DCC: variants seen among roughly 807,000 people sequenced by gnomAD.
The protein encoded by DCC is netrin receptor DCC.
Under a neutral mutation model 172.5 loss-of-function variants are expected in DCC, and 58 were observed. The observed-to-expected ratio is 0.34, with a 90% CI of 0.27 to 0.42. The LOEUF is 0.42. DCC is among the 10% of genes least tolerant of loss of function. The probability of loss-of-function intolerance (pLI) is 1.00; values close to 1 mark genes in which losing one functional copy is unlikely to be tolerated. For synonymous variants in DCC, 709 were observed against 644.5 expected, an observed-to-expected ratio of 1.10 and a Z score of -1.52; for missense variants, 1,740 against 1,791.0, an observed-to-expected ratio of 0.97 and a Z score of 0.51.
At chr18:53,002,830 C>T (rs748117744) in intron 5 of DCC, among the ~76,000 whole-genome samples, 7 of 151,992 alleles carry the variant, frequency 4.6e-5, no homozygotes, top group Non-Finnish European at 1.0e-4. Context: ...GGATTTGCAC[C>T]TGATATATTC....
intron 7 of DCC, among the ~76,000 whole-genome samples, chr18:53,089,026 A>G (rs1392812110): frequency 6.6e-6 from 1 of 152,182 alleles, no homozygotes; most frequent in African/African-American, 2.4e-5. Context: ...TGGTAATGTG[A>G]CTAGCTTAGT....
intron 12 of DCC, among the ~76,000 whole-genome samples, chr18:53,257,875 G>A (rs750805990): frequency 2.6e-5 from 4 of 152,100 alleles, no homozygotes; most frequent in African/African-American, 7.2e-5. Flanking sequence ...ATTAATTGTT[G>A]CCTCAATTTC....
intron 5 of DCC, among the ~76,000 whole-genome samples, chr18:53,032,561 AT>A (rs1568257641): frequency 6.6e-6 from 1 of 152,180 alleles, no homozygotes; most frequent in Non-Finnish European, 1.5e-5. Flanking sequence ...GGTCCTATGC[AT>A]TGTATCTGTG....
At chr18:53,304,957 G>T (rs560654135) in intron 12 of DCC, among the ~76,000 whole-genome samples, 1 of 152,072 alleles carries the variant, frequency 6.6e-6, no homozygotes, top group Non-Finnish European at 1.5e-5. Context: ...TGAATCATGG[G>T]GGCAGGTCTT....
chr18:52,855,953 C>T (rs1192785142), intron 2 of DCC, among the ~76,000 whole-genome samples: 2 of 151,746 alleles, frequency 1.3e-5, no homozygotes, highest in Non-Finnish European at 2.9e-5. Context: ...TTAGTAGAGA[C>T]GGGGTTTTGC....
At chr18:53,288,903 C>T (rs1268555975) in intron 12 of DCC, among the ~76,000 whole-genome samples, 4 of 152,048 alleles carry the variant, frequency 2.6e-5, no homozygotes, top group Non-Finnish European at 5.9e-5. Context: ...TTGAATGAGT[C>T]TGTGATTTTT....
intron 1 of DCC, among the ~76,000 whole-genome samples, chr18:52,474,244 A>AGAGAGAGAGAGAGAGAG (rs1568186675): frequency 6.2e-5 from 2 of 32,144 alleles, no homozygotes; most frequent in African/African-American, 1.7e-4. Context: ...GAGAGAGAGA[A>AGAGAGAGAGAGAGAGAG]AGAGAGAGAA....
At chr18:52,963,302 T>C (rs879673128) in intron 5 of DCC, among the ~76,000 whole-genome samples, 1 of 151,448 alleles carries the variant, frequency 6.6e-6, no homozygotes, top group Admixed American at 6.6e-5. Context: ...ACATGATTTA[T>C]GTGGAAAAAA....
intron 1 of DCC, among the ~76,000 whole-genome samples, chr18:52,732,313 G>T (rs1243508212): frequency 6.6e-6 from 1 of 152,172 alleles, no homozygotes; most frequent in Non-Finnish European, 1.5e-5. Context: ...AAAGTCACTG[G>T]ATAACCAGGG....
intron 2 of DCC, among the ~76,000 whole-genome samples, chr18:52,782,090 A>C (rs753583037): frequency 1.2e-4 from 18 of 152,072 alleles, no homozygotes; most frequent in Non-Finnish European, 2.4e-4. Flanking sequence ...AGAACTAAGA[A>C]AGGAAACAAC....
Position 53,432,100 on chromosome 18 carries a change from A to G in DCC, c.3164-3044A>G, listed in dbSNP as rs374590083. Reference sequence around the variant, plus strand: ...CTGAAAATAAAACATTTTTATTTGCATGCAGTTCTTTTAATAATACTTTTG... The same window carrying G: ...CTGAAAATAAAACATTTTTATTTGCGTGCAGTTCTTTTAATAATACTTTTG... On this transcript the variant is annotated intron_variant, in intron 21 of 28. Transcript: ENST00000442544. Among the ~76,000 whole-genome samples the G allele has an allele frequency of 4.6e-5, 7 of 152,314 alleles. No individual in the cohort carries two copies. The East Asian group carries it at 1.3e-3, about 29-fold the overall frequency.
intron 1 of DCC, among the ~76,000 whole-genome samples, chr18:52,504,179 G>T (rs568924530): frequency 1.8e-4 from 28 of 152,042 alleles, no homozygotes; most frequent in Non-Finnish European, 3.8e-4. Context: ...GGGTAGCCTG[G>T]ATCATGTATT....
At chr18:53,526,049 T>TTTTA (rs1412665203) in intron 27 of DCC, among the ~76,000 whole-genome samples, 2 of 152,166 alleles carry the variant, frequency 1.3e-5, no homozygotes, top group Non-Finnish European at 2.9e-5. Flanking sequence ...GCAGAATGTC[T>TTTTA]TTTATTGACA....
rs147158794 is a variant in DCC, at chr18:52,435,676, C to A, written c.91+94798C>A. Among the ~76,000 whole-genome samples the A allele has an allele frequency of 1.8e-4, 27 of 152,292 alleles. 1 individual carries two copies. The East Asian group carries it at 5.2e-3, about 29-fold the overall frequency. The stretch of plus-strand genomic sequence containing the variant: ...GCCACCTGTTAGGCTGCCAGCCGCC[C>A]TTGAGATTGATATTTGCCATTTCTG... On this transcript the variant is annotated intron_variant, in intron 1 of 28. Transcript: ENST00000442544.
At chr18:52,498,548 C>T (rs1011744994) in intron 1 of DCC, among the ~76,000 whole-genome samples, 1 of 152,032 alleles carries the variant, frequency 6.6e-6, no homozygotes, top group African/African-American at 2.4e-5. Context: ...CACTTGAGCC[C>T]AGGAGGCAGA....
intron 5 of DCC, among the ~76,000 whole-genome samples, chr18:52,948,908 T>C (rs893811653): frequency 2.0e-5 from 3 of 152,206 alleles, no homozygotes; most frequent in Admixed American, 1.3e-4. Context: ...AGCTAGGGAA[T>C]GGCCAAATCA....
In DCC at chr18:53,320,070, CTTTTTT is replaced by C. The variant is rs35150045; in HGVS notation, c.2054-1962_2054-1957del. 8.6e-3 allele frequency among the ~76,000 whole-genome samples: 945 copies of C among 109,628 alleles called. 4 individuals carry two copies. Among genetic ancestry groups the C allele is most frequent in the Non-Finnish European group, 0.013 (714 of 55,232 alleles). The allele number at this position is 109,628 out of a possible 152,430, so 71.9% of individuals were successfully genotyped here. ...TAAACTTCTACATAACGCAAGAGTA[CTTTTTT>C]TTTTTTTTTTTTTTGAGATGGAGTC... On this transcript the variant is annotated intron_variant, in intron 13 of 28. Transcript: ENST00000442544.
chr18:53,340,237 A>G (rs1446493120), intron 15 of DCC, among the ~76,000 whole-genome samples: 3 of 152,182 alleles, frequency 2.0e-5, no homozygotes, highest in African/African-American at 4.8e-5. Flanking sequence ...TCCAGTGGTC[A>G]ATGGAAACTT....
intron 4 of DCC, among the ~76,000 whole-genome samples, chr18:52,924,437 A>G (rs2040170153): frequency 1.3e-5 from 2 of 152,204 alleles, no homozygotes; most frequent in South Asian, 4.1e-4. Context: ...CTTCAACTAT[A>G]TCGCTCATAT....
Sources: gnomAD v4.1 joint callset for allele counts (sites outside exome capture counted in the v4.1 genomes callset) on GRCh38, gnomAD v4.1.1 for gene constraint, MANE v1.5 for transcripts, NCBI Gene and HGNC (gene_info 2026-07-23, HGNC 2026-07-21) for gene names.